SIPA1L3: variants seen among roughly 807,000 people sequenced by gnomAD.
SIPA1L3 encodes signal-induced proliferation-associated 1-like protein 3.
In SIPA1L3, 59 loss-of-function variants were observed where a neutral mutation model predicts 150.1. The observed-to-expected ratio is 0.39, with a 90% CI of 0.32 to 0.49. SIPA1L3 has a LOEUF of 0.49. Ranked by LOEUF, SIPA1L3 falls within the 20% of genes least tolerant of loss-of-function variation. SIPA1L3 has a pLI of 0.86. For missense variants in SIPA1L3, 2,211 were observed against 2,489.5 expected, an observed-to-expected ratio of 0.89 and a Z score of 2.38; for synonymous variants, 1,070 against 1,077.6, an observed-to-expected ratio of 0.99 and a Z score of 0.14.
In SIPA1L3 at chr19:37,934,968, A is replaced by C. The variant is rs527414214; in HGVS notation, c.-379+27610A>C. Reference sequence around the variant, plus strand: ...ACTGATAGGCATTCCCTTTTCTCCTAGAGTTTTTTTTTCCCACAAATTATT... The same window carrying C: ...ACTGATAGGCATTCCCTTTTCTCCTCGAGTTTTTTTTTCCCACAAATTATT... On this transcript the variant is annotated intron_variant, in intron 1 of 21. Coordinates refer to ENST00000222345, the MANE Select transcript of SIPA1L3 (RefSeq NM_015073.3). Among the ~76,000 whole-genome samples, 4 of 152,118 alleles carry C rather than the reference A, an allele frequency of 2.6e-5. No homozygotes were observed. The South Asian group carries it at 8.3e-4, about 32-fold the overall frequency.
intron 8 of SIPA1L3, 90 bp from the exon 9 acceptor site, chr19:38,119,216 A>G: frequency 2.4e-6 from 3 of 1,269,704 alleles, no homozygotes; most frequent in Non-Finnish European, 3.3e-6. Context: ...CAAACAAAAA[A>G]CCCTATTCCT....
At chr19:37,968,953 C>T (rs1000850425) in intron 1 of SIPA1L3, among the ~76,000 whole-genome samples, 2 of 152,210 alleles carry the variant, frequency 1.3e-5, no homozygotes, top group Admixed American at 1.3e-4. Flanking sequence ...ACATCATGTC[C>T]TGAAAGTGGG....
chr19:38,142,834 G>A, intron 12 of SIPA1L3, 124 bp downstream of exon 12: 5 of 1,221,102 alleles, frequency 4.1e-6, no homozygotes, highest in Non-Finnish European at 5.7e-6. Context: ...GACCCCTGAA[G>A]GTCCTCAGAG....
chr19:38,068,251 G>A (rs1295211862), intron 2 of SIPA1L3, among the ~76,000 whole-genome samples: 1 of 151,642 alleles, frequency 6.6e-6, no homozygotes, highest in African/African-American at 2.4e-5. Flanking sequence ...GGATGGTCTC[G>A]ATCTCCTGAC....
intron 1 of SIPA1L3, among the ~76,000 whole-genome samples, chr19:37,916,056 TCA>T (rs2046412061): frequency 6.6e-6 from 1 of 151,994 alleles, no homozygotes; most frequent in South Asian, 2.1e-4. Flanking sequence ...GAGACAGTTC[TCA>T]CTCTGTTGCC....
chr19:38,170,521 C>A (rs559098890), intron 15 of SIPA1L3, among the ~76,000 whole-genome samples: 1 of 152,310 alleles, frequency 6.6e-6, no homozygotes, highest in East Asian at 1.9e-4. Flanking sequence ...ATTGACTGCC[C>A]TATGTCTACC....
chr19:38,193,094 C>A (rs1419661713), intron 17 of SIPA1L3, among the ~76,000 whole-genome samples: 4 of 152,060 alleles, frequency 2.6e-5, no homozygotes, highest in Non-Finnish European at 5.9e-5. Flanking sequence ...GTAATCCCAG[C>A]ACTTTGGGTG....
intron 13 of SIPA1L3, among the ~76,000 whole-genome samples, chr19:38,154,494 C>CTGGAT (rs1266501385): frequency 1.3e-5 from 2 of 152,198 alleles, no homozygotes; most frequent in African/African-American, 4.8e-5. Context: ...GTCACCCAGG[C>CTGGAT]TGGAGTGCAA....
At chr19:38,141,152 G>A (rs765595941) in intron 10 of SIPA1L3, 32 bp from the exon 11 acceptor site, 47 of 1,543,632 alleles carry the variant, frequency 3.0e-5, no homozygotes, top group Non-Finnish European at 3.9e-5. Flanking sequence ...GTGGGCTGGG[G>A]CCTTTCTGAG....
intron 1 of SIPA1L3, among the ~76,000 whole-genome samples, chr19:37,921,852 C>T (rs576102566): frequency 2.6e-5 from 4 of 152,272 alleles, no homozygotes; most frequent in African/African-American, 9.6e-5. Context: ...ATCCTCTTGC[C>T]TCAGCCTCCC....
intron 4 of SIPA1L3, among the ~76,000 whole-genome samples, chr19:38,096,162 C>T (rs1213896552): frequency 6.6e-6 from 1 of 152,118 alleles, no homozygotes; most frequent in Non-Finnish European, 1.5e-5. Flanking sequence ...TGCTTAGAGG[C>T]GAAGTCATGA....
At chr19:37,982,486 A>T (rs1052542266) in intron 1 of SIPA1L3, among the ~76,000 whole-genome samples, 3 of 152,166 alleles carry the variant, frequency 2.0e-5, no homozygotes, top group Admixed American at 6.5e-5. Flanking sequence ...TACTTGAGTG[A>T]ACTCATGTAA....
intron 13 of SIPA1L3, among the ~76,000 whole-genome samples, chr19:38,154,746 A>C (rs1971906366): frequency 6.9e-6 from 1 of 145,332 alleles, no homozygotes; most frequent in African/African-American, 2.6e-5. Flanking sequence ...GCACCCAGCT[A>C]TTTTATTTTA....
chr19:38,082,687 C>A lies in SIPA1L3; in HGVS notation c.1122C>A (p.Ala374=), dbSNP rs144190840. 1.1e-4 allele frequency: 170 copies of A among 1,609,214 alleles called. No individual in the cohort carries two copies. The highest frequency in any genetic ancestry group is 1.2e-4 in the Non-Finnish European group (141 of 1,178,884). The stretch of plus-strand genomic sequence containing the variant: ...GGAACACCACCACGGGTGCTTCGGC[C>A]GCTTCCGCCGCCTCGGCCATGGCCT... ...QRRNTTTGAS[A]ASAASAMASL... The change falls in exon 3 of 22, where the codon GCC becomes GCA. Residue 374 remains alanine (A), a synonymous_variant. Transcript: ENST00000222345.
intron 2 of SIPA1L3, among the ~76,000 whole-genome samples, chr19:38,033,753 G>T (rs961659894): frequency 6.6e-6 from 1 of 152,070 alleles, no homozygotes; most frequent in Middle Eastern, 3.2e-3. Flanking sequence ...AAAAGGAAGG[G>T]TGGAACACAG....
At chr19:37,998,987 ACACACACACACACACACACACACACC>A (rs1431675014) in intron 1 of SIPA1L3, among the ~76,000 whole-genome samples, 1 of 149,110 alleles carries the variant, frequency 6.7e-6, no homozygotes. Flanking sequence ...TATCACACAC[ACACACACACACACACACACACACACC>A]CACACACACA....
chr19:37,995,772 G>A (rs1307737365), intron 1 of SIPA1L3, among the ~76,000 whole-genome samples: 1 of 152,186 alleles, frequency 6.6e-6, no homozygotes, highest in African/African-American at 2.4e-5. Flanking sequence ...TGGGAAGTCT[G>A]TAGGAGGGGA....
At chr19:38,043,984 T>C (rs2145745515) in intron 2 of SIPA1L3, among the ~76,000 whole-genome samples, 1 of 152,300 alleles carries the variant, frequency 6.6e-6, no homozygotes. Context: ...GCTCCTGCTG[T>C]GGTCCATGGT....
At chr19:37,980,620 G>A (rs1258392793) in intron 1 of SIPA1L3, among the ~76,000 whole-genome samples, 2 of 152,318 alleles carry the variant, frequency 1.3e-5, no homozygotes, top group East Asian at 3.9e-4. Context: ...GGCCAGGGAG[G>A]AGGGGGCCCG....
Sources: gnomAD v4.1 joint callset for allele counts (sites outside exome capture counted in the v4.1 genomes callset) on GRCh38, gnomAD v4.1.1 for gene constraint, MANE v1.5 for transcripts, NCBI Gene and HGNC (gene_info 2026-07-23, HGNC 2026-07-21) for gene names.